Variants in FGF12 observed in about 807,000 individuals in gnomAD.
FGF12 encodes the protein fibroblast growth factor 12B.
Under a neutral mutation model 23.6 loss-of-function variants are expected in FGF12, and 14 were observed. That is an observed-to-expected ratio of 0.59 (90% CI 0.39 to 0.93). The LOEUF (loss-of-function observed/expected upper bound fraction) is 0.93, where lower values mean the gene tolerates loss of function less well. FGF12 is among the 40% of genes least tolerant of loss of function. FGF12 has a pLI of 0.00. For synonymous variants in FGF12, 62 were observed against 77.3 expected (o/e 0.80, Z 1.04); for missense variants, 175 against 217.8 (o/e 0.80, Z 1.24).
chr3:192,224,312 G>A (rs546665585), intron 4 of FGF12, among the ~76,000 whole-genome samples: 4 of 152,124 alleles, frequency 2.6e-5, no homozygotes, highest in African/African-American at 4.8e-5. Context: ...CCAGTCCTTC[G>A]AAAACAAACG....
At chr3:192,195,162 GAACAA>G (rs374892744) in intron 4 of FGF12, among the ~76,000 whole-genome samples, 71 of 152,278 alleles carry the variant, frequency 4.7e-4, no homozygotes, top group African/African-American at 1.7e-3. Context: ...TTTGAAGTGG[GAACAA>G]AACAAATTTT....
chr3:192,188,708 A>C (rs1716623483), intron 4 of FGF12, among the ~76,000 whole-genome samples: 1 of 152,216 alleles, frequency 6.6e-6, no homozygotes, highest in Admixed American at 6.5e-5. Flanking sequence ...TAGTTGAATG[A>C]AAAGCAGAAA....
intron 2 of FGF12, among the ~76,000 whole-genome samples, chr3:192,539,802 T>G (rs557685595): frequency 4.6e-5 from 7 of 152,246 alleles, no homozygotes; most frequent in Admixed American, 1.3e-4. Flanking sequence ...GCTGGGTGAC[T>G]TACTACTGCT....
At chr3:192,374,244 T>C (rs1008963928) in intron 2 of FGF12, among the ~76,000 whole-genome samples, 1 of 152,242 alleles carries the variant, frequency 6.6e-6, no homozygotes, top group Non-Finnish European at 1.5e-5. Context: ...GTGTTTTCTT[T>C]CTAGTGACCA....
At chr3:192,481,296 G>C (rs1198065255) in intron 2 of FGF12, among the ~76,000 whole-genome samples, 1 of 151,852 alleles carries the variant, frequency 6.6e-6, no homozygotes, top group Non-Finnish European at 1.5e-5. Context: ...TAAATAGCTT[G>C]GATGGTTTAA....
At chr3:192,552,455 T>C (rs1315943093) in intron 2 of FGF12, among the ~76,000 whole-genome samples, 4 of 152,038 alleles carry the variant, frequency 2.6e-5, no homozygotes, top group African/African-American at 4.8e-5. Flanking sequence ...CCCTAAACCA[T>C]GTAAATAGAA....
intron 2 of FGF12, among the ~76,000 whole-genome samples, chr3:192,598,351 C>T (rs1713954722): frequency 6.6e-6 from 1 of 152,172 alleles, no homozygotes; most frequent in Admixed American, 6.5e-5. Flanking sequence ...CCCTCAGCAA[C>T]ACTATCTGCC....
chr3:192,555,976 C>A, intron 2 of FGF12, among the ~76,000 whole-genome samples: 1 of 151,594 alleles, frequency 6.6e-6, no homozygotes, highest in African/African-American at 2.4e-5. Context: ...TAATGTAAGC[C>A]CTTTGGTAAA....
rs201364119 is a variant in FGF12 at position 192,432,620 on chromosome 3, C to CAAA, written c.14-72085_14-72083dup. On this transcript the variant is annotated intron_variant, in intron 2 of 5. Transcript: ENST00000445105. ...CTGAGAGAGCATTGCTGACATCTGG[C>CAAA]AAAAAAAAAAAAAAAAAAAAAAGAA... 4.4e-3 allele frequency among the ~76,000 whole-genome samples: 471 copies of CAAA among 106,658 alleles called. 6 individuals are homozygous for CAAA. Among genetic ancestry groups the CAAA allele is most frequent in the African/African-American group, 0.015 (418 of 27,296 alleles). 70.0% of individuals were successfully genotyped at this position (106,658 alleles called of 152,430 possible).
At chr3:192,428,418 A>T (rs117782109) in intron 2 of FGF12, among the ~76,000 whole-genome samples, 2 of 152,212 alleles carry the variant, frequency 1.3e-5, no homozygotes, top group Non-Finnish European at 2.9e-5. Context: ...AGCCACTCTA[A>T]TAATGATGTT....
intron 2 of FGF12, among the ~76,000 whole-genome samples, chr3:192,639,589 A>G (rs143273954): frequency 5.3e-4 from 80 of 152,346 alleles, no homozygotes; most frequent in African/African-American, 1.8e-3. Context: ...AAACGGTGGT[A>G]TACACAGTCT....
chr3:192,201,479 T>G (rs1225406173), intron 4 of FGF12, among the ~76,000 whole-genome samples: 2 of 152,220 alleles, frequency 1.3e-5, no homozygotes, highest in Non-Finnish European at 2.9e-5. Context: ...CAATGTGAGT[T>G]ATTTGACATT....
intron 4 of FGF12, among the ~76,000 whole-genome samples, chr3:192,200,498 AT>A (rs11348100): frequency 0.048 from 7,354 of 152,266 alleles, 616 homozygotes; most frequent in African/African-American, 0.17. Flanking sequence ...CATGTAATAC[AT>A]TAAGAAAGAA....
intron 4 of FGF12, among the ~76,000 whole-genome samples, chr3:192,300,340 T>C (rs906212900): frequency 6.6e-6 from 1 of 152,212 alleles, no homozygotes; most frequent in Non-Finnish European, 1.5e-5. Context: ...ATATCTGTCA[T>C]TGAGGCCGAT....
At chr3:192,393,145 T>C (rs1720380164) in intron 2 of FGF12, among the ~76,000 whole-genome samples, 1 of 152,212 alleles carries the variant, frequency 6.6e-6, no homozygotes, top group Non-Finnish European at 1.5e-5. Context: ...GCCTATGTCA[T>C]TGGTAAGGTG....
At chr3:192,238,772 C>T (rs1316065515) in intron 4 of FGF12, 1 of 152,194 alleles carries the variant, frequency 6.6e-6, no homozygotes, top group East Asian at 1.9e-4. Flanking sequence ...CCAAAGTTTA[C>T]TCTAACTCAG....
chr3:192,147,485 G>A (rs1244864589), intron 5 of FGF12, among the ~76,000 whole-genome samples: 2 of 152,246 alleles, frequency 1.3e-5, no homozygotes, highest in Non-Finnish European at 2.9e-5. Flanking sequence ...AAGGAAACAA[G>A]GCGTAAGTGT....
intron 2 of FGF12, among the ~76,000 whole-genome samples, chr3:192,531,030 G>A (rs915075769): frequency 6.6e-6 from 1 of 152,122 alleles, no homozygotes; most frequent in Non-Finnish European, 1.5e-5. Context: ...GGCCAGGCTG[G>A]TCTCGAACTG....
At chr3:192,251,877 T>C (rs1712035799) in intron 4 of FGF12, among the ~76,000 whole-genome samples, 1 of 151,636 alleles carries the variant, frequency 6.6e-6, no homozygotes, top group Non-Finnish European at 1.5e-5. Context: ...CTTCGGGGAG[T>C]GGTAGAAGGG....
Sources: allele counts gnomAD v4.1 joint callset (sites outside exome capture counted in the v4.1 genomes callset), GRCh38; gene constraint gnomAD v4.1.1; transcripts MANE v1.5; gene names NCBI Gene and HGNC (gene_info 2026-07-23, HGNC 2026-07-21).